Variants in LHFPL3 observed in about 807,000 individuals in gnomAD.
The protein encoded by LHFPL3 is LHFPL tetraspan subfamily member 3.
A neutral mutation model predicts 19.3 loss-of-function variants in LHFPL3; 5 were observed. That is an observed-to-expected ratio of 0.26 (90% CI 0.14 to 0.54). The LOEUF (loss-of-function observed/expected upper bound fraction) is 0.54. LHFPL3 is among the 20% of genes least tolerant of loss of function. The pLI, the probability that LHFPL3 is intolerant of heterozygous loss-of-function variation, is 0.94. For missense variants in LHFPL3, 249 were observed against 307.4 expected (o/e 0.81, Z 1.42); for synonymous variants, 133 against 126.2 (o/e 1.05, Z -0.36).
intron 2 of LHFPL3, among the ~76,000 whole-genome samples, chr7:104,901,338 T>C (rs1279713738): frequency 6.6e-6 from 1 of 152,226 alleles, no homozygotes; most frequent in African/African-American, 2.4e-5. Context: ...AGCTGGTTAT[T>C]ATTATTCAGC....
intron 1 of LHFPL3, among the ~76,000 whole-genome samples, chr7:104,352,598 T>C (rs1790200088): frequency 6.6e-6 from 1 of 152,194 alleles, no homozygotes; most frequent in Non-Finnish European, 1.5e-5. Context: ...ATCTTCCTAA[T>C]GTACCCTGCA....
chr7:104,568,557 AC>A (rs1186404199), intron 1 of LHFPL3, among the ~76,000 whole-genome samples: 1 of 152,194 alleles, frequency 6.6e-6, no homozygotes, highest in Non-Finnish European at 1.5e-5. Context: ...CTCCCAGTCT[AC>A]TGTTCTTTCC....
chr7:104,493,043 A>C (rs925370305), intron 1 of LHFPL3, among the ~76,000 whole-genome samples: 1 of 152,242 alleles, frequency 6.6e-6, no homozygotes, highest in Non-Finnish European at 1.5e-5. Flanking sequence ...TTCTGAAAAG[A>C]ATAATATTTA....
chr7:104,747,321 G>T (rs964729316), intron 2 of LHFPL3, among the ~76,000 whole-genome samples: 2 of 152,188 alleles, frequency 1.3e-5, no homozygotes, highest in East Asian at 3.8e-4. Flanking sequence ...GACAGATGAG[G>T]AACAAAGCCA....
At chr7:104,354,802 AC>A in intron 1 of LHFPL3, among the ~76,000 whole-genome samples, 1 of 152,320 alleles carries the variant, frequency 6.6e-6, no homozygotes, top group East Asian at 1.9e-4. Context: ...TCTAGTAGGC[AC>A]ATTATAAAAA....
intron 2 of LHFPL3, among the ~76,000 whole-genome samples, chr7:104,874,644 G>C (rs999614101): frequency 2.6e-5 from 4 of 151,414 alleles, no homozygotes; most frequent in African/African-American, 9.7e-5. Flanking sequence ...CCTGACCTCA[G>C]GTGATCTGCC....
rs142488073 is a variant in LHFPL3, at chr7:104,679,086, C to T, written c.446-57589C>T. Reference sequence around the variant, plus strand: ...TTTCTAAAGGTGAGGAATGCTGGAGCAACTTAGCTGGTAGTTCTAGCTCAA... The same window carrying T: ...TTTCTAAAGGTGAGGAATGCTGGAGTAACTTAGCTGGTAGTTCTAGCTCAA... On this transcript the variant is annotated intron_variant, in intron 1 of 2. Transcript: ENST00000424859. Among the ~76,000 whole-genome samples, 1,013 of 152,326 alleles carry T rather than the reference C, an allele frequency of 6.7e-3. 14 individuals are homozygous for T. The highest frequency in any genetic ancestry group is 0.023 in the African/African-American group (952 of 41,572).
chr7:104,618,710 A>G (rs1171786147), intron 1 of LHFPL3, among the ~76,000 whole-genome samples: 2 of 152,198 alleles, frequency 1.3e-5, no homozygotes, highest in Non-Finnish European at 2.9e-5. Context: ...GAAGCCCTAC[A>G]CTAGGATTCT....
At chr7:104,873,571 C>T (rs76438688) in intron 2 of LHFPL3, among the ~76,000 whole-genome samples, 3,183 of 152,138 alleles carry the variant, frequency 0.021, 51 homozygotes, top group African/African-American at 0.034. Flanking sequence ...GAGGTTACAG[C>T]GAGCTACGAT....
chr7:104,565,224 T>G (rs927411119), intron 1 of LHFPL3, among the ~76,000 whole-genome samples: 2 of 152,174 alleles, frequency 1.3e-5, no homozygotes, highest in African/African-American at 2.4e-5. Flanking sequence ...TTAAGTCCTG[T>G]GGAGATAACT....
intron 1 of LHFPL3, among the ~76,000 whole-genome samples, chr7:104,503,986 A>G (rs1305105921): frequency 1.3e-5 from 2 of 152,312 alleles, no homozygotes; most frequent in East Asian, 1.9e-4. Context: ...GATATGGAAA[A>G]TAACTGCTCA....
intron 2 of LHFPL3, among the ~76,000 whole-genome samples, chr7:104,819,764 A>G (rs761744092): frequency 6.6e-6 from 1 of 152,164 alleles, no homozygotes; most frequent in Non-Finnish European, 1.5e-5. Context: ...GTACTTTAAC[A>G]GGGATTCCAC....
intron 1 of LHFPL3, among the ~76,000 whole-genome samples, chr7:104,541,448 C>A (rs1170693047): frequency 1.3e-5 from 2 of 152,100 alleles, no homozygotes; most frequent in African/African-American, 4.8e-5. Flanking sequence ...GAGTTGGATT[C>A]AGTATTCCCC....
At chr7:104,546,022 C>T (rs1448715523) in intron 1 of LHFPL3, among the ~76,000 whole-genome samples, 5 of 152,096 alleles carry the variant, frequency 3.3e-5, no homozygotes, top group Admixed American at 6.6e-5. Flanking sequence ...AACTAAAGAT[C>T]TTACAAATAA....
chr7:104,614,332 C>T (rs576588112), intron 1 of LHFPL3, among the ~76,000 whole-genome samples: 18 of 152,238 alleles, frequency 1.2e-4, no homozygotes, highest in African/African-American at 4.3e-4. Context: ...AAGAAGAGCT[C>T]TTAGTGATAG....
intron 1 of LHFPL3, among the ~76,000 whole-genome samples, chr7:104,690,007 TA>T (rs35928936): frequency 0.3 from 45,214 of 151,506 alleles, 6,978 homozygotes; most frequent in East Asian, 0.52. Context: ...TGCCTCTACC[TA>T]AAAAAAAATA....
At chr7:104,690,155 A>G (rs1311974554) in intron 1 of LHFPL3, among the ~76,000 whole-genome samples, 2 of 152,274 alleles carry the variant, frequency 1.3e-5, no homozygotes, top group Non-Finnish European at 2.9e-5. Flanking sequence ...CCAAAGACAG[A>G]TGGATCTTGG....
Position 104,652,025 on chromosome 7 carries a change from C to G in LHFPL3, c.446-84650C>G, listed in dbSNP as rs117385896. Among the ~76,000 whole-genome samples the G allele has an allele frequency of 6.2e-4, 94 of 152,146 alleles. 1 individual carries two copies. The East Asian group carries it at 0.017, about 27-fold the overall frequency. ...CAGGCTTTTGTGATAAGATGGAGACCAGGAGGAGGAGAGAGGCATCTGAGT... is the reference window on the plus strand; with the variant it reads ...CAGGCTTTTGTGATAAGATGGAGACGAGGAGGAGGAGAGAGGCATCTGAGT... On this transcript the variant is annotated intron_variant, in intron 1 of 2. Coordinates refer to ENST00000424859, the MANE Select transcript of LHFPL3 (RefSeq NM_199000.3).
intron 2 of LHFPL3, among the ~76,000 whole-genome samples, chr7:104,900,226 A>G (rs1052570572): frequency 6.6e-5 from 10 of 152,222 alleles, no homozygotes; most frequent in Non-Finnish European, 1.3e-4. Context: ...TCTATTTTCA[A>G]TGTGCCTGGG....
Sources: gnomAD v4.1 joint callset for allele counts (sites outside exome capture counted in the v4.1 genomes callset) on GRCh38, gnomAD v4.1.1 for gene constraint, MANE v1.5 for transcripts, NCBI Gene and HGNC (gene_info 2026-07-23, HGNC 2026-07-21) for gene names.